RYR2: variants seen among roughly 807,000 people sequenced by gnomAD.
RYR2 encodes ryanodine receptor 2.
A neutral mutation model predicts 601.1 loss-of-function variants in RYR2; 227 were observed. The observed-to-expected ratio is 0.38, with a 90% confidence interval of 0.34 to 0.42. The LOEUF (loss-of-function observed/expected upper bound fraction) is 0.42. Among genes scored for constraint, RYR2 ranks in the 10% least tolerant of loss-of-function variants. The probability of loss-of-function intolerance (pLI) is 1.00; values close to 1 mark genes in which losing one functional copy is unlikely to be tolerated. For missense variants in RYR2, 4,646 were observed against 6,156.5 expected (o/e 0.75, Z 8.21); for synonymous variants, 2,223 against 2,175.1 (o/e 1.02, Z -0.61).
chr1:237,160,634 C>T (rs1340416868), intron 1 of RYR2, among the ~76,000 whole-genome samples: 4 of 151,566 alleles, frequency 2.6e-5, no homozygotes, highest in African/African-American at 9.7e-5. Flanking sequence ...ATTGAGTTGT[C>T]CATTTTACTA....
chr1:237,229,270 G>A (rs1684718689), intron 1 of RYR2, among the ~76,000 whole-genome samples: 1 of 152,224 alleles, frequency 6.6e-6, no homozygotes, highest in South Asian at 2.1e-4. Flanking sequence ...GAGAAATGTA[G>A]CACTTTGTGG....
intron 8 of RYR2, among the ~76,000 whole-genome samples, chr1:237,386,687 A>G (rs748007314): frequency 5.3e-5 from 8 of 152,198 alleles, no homozygotes; most frequent in Middle Eastern, 3.2e-3. Context: ...ATGTGTTTCT[A>G]TTTTTAGGAA....
chr1:237,651,702 T>C (rs911843686), intron 51 of RYR2, among the ~76,000 whole-genome samples: 2 of 151,984 alleles, frequency 1.3e-5, no homozygotes, highest in African/African-American at 4.8e-5. Flanking sequence ...AATCTTAACA[T>C]TGATTTCCAT....
At chr1:237,582,708 G>T (rs539880665) in intron 29 of RYR2, among the ~76,000 whole-genome samples, 15 of 151,998 alleles carry the variant, frequency 9.9e-5, no homozygotes, top group African/African-American at 3.6e-4. Context: ...CTAAGATATG[G>T]CCTCTGGCTG....
chr1:237,052,124 C>T (rs1042811224), intron 1 of RYR2, among the ~76,000 whole-genome samples: 9 of 152,090 alleles, frequency 5.9e-5, no homozygotes, highest in Non-Finnish European at 1.0e-4. Flanking sequence ...TGTGTGTGAA[C>T]GGGATACCTC....
At chr1:237,071,610 A>G (rs1664334209) in intron 1 of RYR2, among the ~76,000 whole-genome samples, 1 of 151,924 alleles carries the variant, frequency 6.6e-6, no homozygotes, top group Non-Finnish European at 1.5e-5. Flanking sequence ...AAAAAACACT[A>G]TAAACTCTTA....
intron 20 of RYR2, among the ~76,000 whole-genome samples, chr1:237,498,588 A>G (rs564913255): frequency 6.6e-6 from 1 of 152,156 alleles, no homozygotes; most frequent in African/African-American, 2.4e-5. Context: ...AAAAAAAAAC[A>G]TTGATCGACA....
intron 1 of RYR2, among the ~76,000 whole-genome samples, chr1:237,136,497 G>A (rs912751194): frequency 6.6e-6 from 1 of 152,150 alleles, no homozygotes; most frequent in African/African-American, 2.4e-5. Flanking sequence ...ACCAGCATGT[G>A]AAGAACACAC....
intron 24 of RYR2, among the ~76,000 whole-genome samples, chr1:237,525,718 T>A (rs2990540): frequency 0.48 from 72,503 of 151,774 alleles, 17,595 homozygotes; most frequent in East Asian, 0.6. Context: ...GGTGGCTCAC[T>A]CCTGTAATCC....
At chr1:237,049,681 CT>C (rs1198503962) in intron 1 of RYR2, among the ~76,000 whole-genome samples, 1 of 152,092 alleles carries the variant, frequency 6.6e-6, no homozygotes, top group Non-Finnish European at 1.5e-5. Flanking sequence ...AGCCAGGATT[CT>C]TGATGATGGG....
intron 2 of RYR2, among the ~76,000 whole-genome samples, chr1:237,311,646 AT>A (rs529823066): frequency 1.4e-4 from 20 of 148,092 alleles, no homozygotes; most frequent in Admixed American, 2.7e-4. Context: ...CAACCAGCTA[AT>A]TTTTTTTTTT....
Position 237,806,034 on chromosome 1 carries a change from G to A in RYR2, c.14152-103G>A, listed in dbSNP as rs1033299226. ...AGATTCCACATGTGAGTGAGAACAT[G>A]TAGAGTTTAACTTTCTGTTCCTGGC... On this transcript the variant is annotated intron_variant, in intron 98 of 104. Coordinates refer to ENST00000366574, the MANE Select transcript of RYR2 (RefSeq NM_001035.3). The A allele has an allele frequency of 4.1e-5, 40 of 984,148 alleles. 1 individual carries two copies. The highest frequency in any genetic ancestry group is 6.0e-5 in the Non-Finnish European group (39 of 649,620). 61.0% of individuals were successfully genotyped at this position (984,148 alleles called of 1,614,324 possible). A position where few individuals can be genotyped will look rare whatever the true frequency, so the allele number is the denominator to read the frequency against.
chr1:237,451,632 A>G (rs564787586), intron 14 of RYR2, among the ~76,000 whole-genome samples: 10 of 151,690 alleles, frequency 6.6e-5, no homozygotes, highest in Admixed American at 5.9e-4. Context: ...TTTTTAATAT[A>G]TTTAGAAGCT....
At chr1:237,797,064 G>A (rs750546157) in intron 96 of RYR2, among the ~76,000 whole-genome samples, 1 of 151,984 alleles carries the variant, frequency 6.6e-6, no homozygotes, top group Non-Finnish European at 1.5e-5. Context: ...GATTACAGGA[G>A]TGAGCCACCA....
intron 63 of RYR2, among the ~76,000 whole-genome samples, chr1:237,693,968 G>T (rs994923039): frequency 6.6e-6 from 1 of 152,166 alleles, no homozygotes; most frequent in Admixed American, 6.5e-5. Flanking sequence ...ACAAGGCTCA[G>T]ATTGTGCTTG....
At chr1:237,768,385 CTTTAT>C (rs1480135905) in intron 84 of RYR2, among the ~76,000 whole-genome samples, 5 of 152,122 alleles carry the variant, frequency 3.3e-5, no homozygotes, top group Non-Finnish European at 5.9e-5. Flanking sequence ...TACGTGTTAT[CTTTAT>C]TTTATACAAG....
intron 1 of RYR2, among the ~76,000 whole-genome samples, chr1:237,222,856 A>T (rs1371103746): frequency 6.6e-6 from 1 of 152,198 alleles, no homozygotes; most frequent in African/African-American, 2.4e-5. Context: ...ACCTGAGGTC[A>T]GAAGTTCAAG....
At chr1:237,157,149 A>G (rs1675452476) in intron 1 of RYR2, among the ~76,000 whole-genome samples, 1 of 151,934 alleles carries the variant, frequency 6.6e-6, no homozygotes, top group African/African-American at 2.4e-5. Context: ...TACAAAAATT[A>G]GTTGGGTGTG....
chr1:237,643,483 A>G (rs773134948), intron 48 of RYR2, 36 bp downstream of exon 48: 1 of 1,613,276 alleles, frequency 6.2e-7, no homozygotes, highest in South Asian at 1.1e-5. Flanking sequence ...ATTCAGTAGG[A>G]TGTTGGATGA....
Sources: gnomAD v4.1 joint callset for allele counts (sites outside exome capture counted in the v4.1 genomes callset) on GRCh38, gnomAD v4.1.1 for gene constraint, MANE v1.5 for transcripts, NCBI Gene and HGNC (gene_info 2026-07-23, HGNC 2026-07-21) for gene names.